Variants in EPC2 observed in about 807,000 individuals in gnomAD.
EPC2 encodes enhancer of polycomb 2.
A neutral mutation model predicts 92.1 loss-of-function variants in EPC2; 14 were observed. The ratio of observed to expected loss-of-function variants is 0.15; its 90% CI spans 0.10 to 0.24. The LOEUF is 0.24. Among genes scored for constraint, EPC2 ranks in the 10% least tolerant of loss-of-function variants. EPC2 has a pLI of 1.00. For missense variants in EPC2, 755 were observed against 971.5 expected (o/e 0.78, Z 2.96); for synonymous variants, 340 against 334.7 (o/e 1.02, Z -0.17).
At chr2:148,686,338 G>A (rs1681524085) in intron 1 of EPC2, among the ~76,000 whole-genome samples, 1 of 152,118 alleles carries the variant, frequency 6.6e-6, no homozygotes, top group Admixed American at 6.5e-5. Context: ...TTCTGAACAG[G>A]CTCCACTTCT....
intron 13 of EPC2, among the ~76,000 whole-genome samples, chr2:148,785,413 C>T (rs557192929): frequency 2.0e-4 from 30 of 152,070 alleles, no homozygotes; most frequent in African/African-American, 2.7e-4. Context: ...CTGCAGCCTC[C>T]GCCTCCCAGG....
At chr2:148,736,624 C>T (rs921941967) in intron 2 of EPC2, among the ~76,000 whole-genome samples, 2 of 152,056 alleles carry the variant, frequency 1.3e-5, no homozygotes, top group Admixed American at 6.5e-5. Context: ...ATTTATATTA[C>T]GATTTCTCTA....
At chr2:148,759,237 C>T (rs745354759) in intron 4 of EPC2, among the ~76,000 whole-genome samples, 8 of 152,066 alleles carry the variant, frequency 5.3e-5, no homozygotes, top group Non-Finnish European at 7.4e-5. Context: ...GGATTACAGG[C>T]GCCCATCACC....
chr2:148,682,633 T>A (rs1681422745), intron 1 of EPC2, among the ~76,000 whole-genome samples: 1 of 152,216 alleles, frequency 6.6e-6, no homozygotes, highest in Non-Finnish European at 1.5e-5. Context: ...ACGTTGTTAC[T>A]GTTGGTTTCT....
chr2:148,679,249 A>G (rs192684667), intron 1 of EPC2, among the ~76,000 whole-genome samples: 9 of 152,346 alleles, frequency 5.9e-5, no homozygotes, highest in Admixed American at 5.9e-4. Flanking sequence ...TTTCATCTTT[A>G]TACTAACACT....
At chr2:148,698,265 G>A (rs1287560619) in intron 2 of EPC2, among the ~76,000 whole-genome samples, 3 of 152,096 alleles carry the variant, frequency 2.0e-5, no homozygotes, top group Admixed American at 2.0e-4. Flanking sequence ...ATGGAGTTCA[G>A]TAAAGCCACC....
chr2:148,656,523 G>C (rs1407074291), intron 1 of EPC2, among the ~76,000 whole-genome samples: 2 of 152,172 alleles, frequency 1.3e-5, no homozygotes, highest in African/African-American at 4.8e-5. Flanking sequence ...CAGGTATCAT[G>C]TTGGCAAGCC....
At chr2:148,749,595 G>A (rs928462547) in intron 3 of EPC2, among the ~76,000 whole-genome samples, 1 of 151,738 alleles carries the variant, frequency 6.6e-6, no homozygotes, top group Non-Finnish European at 1.5e-5. Flanking sequence ...TGGTTCTCAC[G>A]TGCACTAGGA....
chr2:148,674,395 A>G (rs1162168740), intron 1 of EPC2, among the ~76,000 whole-genome samples: 5 of 152,074 alleles, frequency 3.3e-5, no homozygotes, highest in African/African-American at 9.7e-5. Flanking sequence ...TCCCTTCTAC[A>G]TTCCACCAGA....
chr2:148,652,497 T>C (rs1680707541), intron 1 of EPC2, among the ~76,000 whole-genome samples: 1 of 152,216 alleles, frequency 6.6e-6, no homozygotes, highest in African/African-American at 2.4e-5. Flanking sequence ...GGGATGAGTT[T>C]TGTTTGACCG....
intron 1 of EPC2, among the ~76,000 whole-genome samples, chr2:148,664,419 G>A (rs572662820): frequency 1.3e-5 from 2 of 152,256 alleles, no homozygotes; most frequent in East Asian, 1.9e-4. Flanking sequence ...GATCACTTGA[G>A]CCTTGGAGGT....
chr2:148,778,484 A>C (rs1031156914), intron 10 of EPC2, among the ~76,000 whole-genome samples: 3 of 152,194 alleles, frequency 2.0e-5, no homozygotes, highest in African/African-American at 7.2e-5. Context: ...ATGAAAGAAA[A>C]AATAACTAGT....
chr2:148,654,683 A>G (rs574039476), intron 1 of EPC2, among the ~76,000 whole-genome samples: 1 of 152,172 alleles, frequency 6.6e-6, no homozygotes, highest in South Asian at 2.1e-4. Flanking sequence ...AACAAACAAA[A>G]AGAGAGAGCG....
intron 7 of EPC2, among the ~76,000 whole-genome samples, chr2:148,766,451 C>T (rs1183169647): frequency 6.6e-6 from 1 of 152,198 alleles, no homozygotes. Context: ...ATATTCCCTT[C>T]AGGAGCACTT....
chr2:148,683,439 T>C (rs955230185), intron 1 of EPC2, among the ~76,000 whole-genome samples: 2 of 152,058 alleles, frequency 1.3e-5, no homozygotes, highest in African/African-American at 4.8e-5. Context: ...GGCTAATTTT[T>C]GTAATTTTAG....
At chr2:148,682,841 T>C (rs1464709356) in intron 1 of EPC2, among the ~76,000 whole-genome samples, 1 of 152,222 alleles carries the variant, frequency 6.6e-6, no homozygotes, top group East Asian at 1.9e-4. Context: ...GCAAGACTCC[T>C]CTCTGGTTTC....
chr2:148,786,516 AT>A lies in EPC2; in HGVS notation c.*140del. The A allele has an allele frequency of 5.4e-6, 3 of 553,946 alleles. No homozygotes were observed. The highest frequency in any genetic ancestry group is 6.3e-6 in the Non-Finnish European group (2 of 316,626). The allele number at this position is 553,946 out of a possible 1,614,324, so 34.3% of individuals were successfully genotyped here. Reference sequence around the variant, plus strand: ...CTATAGTATATTGGATGTTAAATCCATATATGATGTATATTTTGTAAAATTG... The same window carrying A: ...CTATAGTATATTGGATGTTAAATCCAATATGATGTATATTTTGTAAAATTG... On this transcript the variant is annotated 3_prime_UTR_variant, in exon 14 of 14. Transcript: ENST00000258484.
intron 1 of EPC2, among the ~76,000 whole-genome samples, chr2:148,667,194 G>A (rs1315993123): frequency 6.6e-6 from 1 of 152,198 alleles, no homozygotes; most frequent in Non-Finnish European, 1.5e-5. Flanking sequence ...AGCCTGTCTT[G>A]CTGTTCCGTA....
chr2:148,647,798 A>G (rs1380878159), intron 1 of EPC2, among the ~76,000 whole-genome samples: 2 of 151,456 alleles, frequency 1.3e-5, no homozygotes, highest in African/African-American at 4.9e-5. Context: ...ATGCCCAGCT[A>G]ATTTTTGTAT....
Sources: gnomAD v4.1 joint callset for allele counts (sites outside exome capture counted in the v4.1 genomes callset) on GRCh38, gnomAD v4.1.1 for gene constraint, MANE v1.5 for transcripts, NCBI Gene and HGNC (gene_info 2026-07-23, HGNC 2026-07-21) for gene names.